HAL: variants seen among roughly 807,000 people sequenced by gnomAD.
HAL encodes the protein histidase.
HAL carries 85 observed loss-of-function variants against 81.1 expected under a neutral mutation model. That is an observed-to-expected ratio of 1.05 (90% CI 0.88 to 1.25). HAL has a LOEUF of 1.25. HAL is among the 50% of genes most tolerant of loss of function. The probability of loss-of-function intolerance (pLI) is 0.00; values close to 1 mark genes in which losing one functional copy is unlikely to be tolerated. For missense variants in HAL, 798 were observed against 836.6 expected (o/e 0.95, Z 0.57); for synonymous variants, 301 against 309.2 (o/e 0.97, Z 0.28).
Position 95,988,240 on chromosome 12 carries a change from C to T in HAL, c.856G>A (p.Val286Met). 1.4e-6 allele frequency: 2 copies of T among 1,471,616 alleles called. No individual in the cohort carries two copies. Among genetic ancestry groups the T allele is most frequent in the Non-Finnish European group, 9.5e-7 (1 of 1,050,726 alleles). 91.2% of individuals were successfully genotyped at this position (1,471,616 alleles called of 1,614,324 possible). A position where few individuals can be genotyped will look rare whatever the true frequency, so the allele number is the denominator to read the frequency against. Reference protein sequence around the residue: ...PKSGWADAKYVLEAHGLKPVI... With the variant: ...PKSGWADAKYMLEAHGLKPVI... ...GGTTTCAATCCATGGGCTTCTAGCA[C>T]CTATAGAATGATTAAAAATATGAAA... The change falls in exon 11 of 21, where the codon GTG (valine) becomes ATG (methionine). Residue 286 changes from valine to methionine, a missense_variant and splice_region_variant. Physicochemically the swap from Val to Met is conservative, Grantham distance 21 (BLOSUM62 1). Transcript: ENST00000261208.
chr12:95,978,778 A>T (rs963475551), intron 17 of HAL, among the ~76,000 whole-genome samples: 2 of 152,210 alleles, frequency 1.3e-5, no homozygotes, highest in African/African-American at 2.4e-5. Context: ...TAGGTTATGA[A>T]GTTCCCTCAC....
At chr12:95,992,878 C>A in intron 8 of HAL, 73 bp from the exon 9 acceptor site, 1 of 1,408,454 alleles carries the variant, frequency 7.1e-7, no homozygotes, top group Non-Finnish European at 1.0e-6. Flanking sequence ...GCCCTCCCTC[C>A]CTCCAATCTT....
chr12:95,974,103 G>A lies in HAL; in HGVS notation c.*129C>T. 1 of 859,514 alleles carries A rather than the reference G, an allele frequency of 1.2e-6. No individual in the cohort carries two copies. Among genetic ancestry groups the A allele is most frequent in the Non-Finnish European group, 2.0e-6 (1 of 497,658 alleles). The allele number at this position is 859,514 out of a possible 1,614,324, so 53.2% of individuals were successfully genotyped here. Reference sequence around the variant, plus strand: ...TACTGCCATCAGCCTAACCAACGTAGGCTTTAGAAGAACTGAATGATACAA... The same window carrying A: ...TACTGCCATCAGCCTAACCAACGTAAGCTTTAGAAGAACTGAATGATACAA... On this transcript the variant is annotated 3_prime_UTR_variant, in exon 21 of 21. Coordinates refer to ENST00000261208, the MANE Select transcript of HAL (RefSeq NM_002108.4).
Position 95,974,359 on chromosome 12 carries a change from G to A in HAL, c.1847C>T (p.Ala616Val), listed in dbSNP as rs1291013772. The A allele has an allele frequency of 6.2e-7, 1 of 1,613,518 alleles. No homozygotes were observed. Among genetic ancestry groups the A allele is most frequent in the Non-Finnish European group, 8.5e-7 (1 of 1,179,428 alleles). Reference sequence around the variant, plus strand: ...TCTGTATTTTTCAATGTATGGAGCAGCTACTTCCCAAACCTGAAAAGCAAG... The same window carrying A: ...TCTGTATTTTTCAATGTATGGAGCAACTACTTCCCAAACCTGAAAAGCAAG... ...LLLEQKVWEV[A>V]APYIEKYRME... Residue 616 changes from alanine to valine, a missense_variant, in exon 21 of 21, where the codon GCT (alanine) becomes GTT (valine). Ala to Val is a moderately conservative substitution (Grantham distance 64). Transcript: ENST00000261208.
chr12:95,990,928 G>A (rs1017475566), intron 9 of HAL, among the ~76,000 whole-genome samples: 4 of 152,104 alleles, frequency 2.6e-5, no homozygotes, highest in Non-Finnish European at 5.9e-5. Flanking sequence ...TGGGCAACAC[G>A]GTGAAACCCT....
chr12:95,979,803 G>T (rs2080769302), intron 17 of HAL, among the ~76,000 whole-genome samples: 1 of 152,130 alleles, frequency 6.6e-6, no homozygotes, highest in Admixed American at 6.6e-5. Context: ...AAAATTCAGG[G>T]TTTGAATTCT....
chr12:95,976,765 TG>T (rs2080725731), intron 18 of HAL, 59 bp from the exon 19 acceptor site: 2 of 1,114,874 alleles, frequency 1.8e-6, no homozygotes, highest in Non-Finnish European at 1.4e-6. Flanking sequence ...GCTTAAGGAA[TG>T]TGGATTTCCC....
At chr12:95,982,818 A>G (rs2080809609) in intron 15 of HAL, among the ~76,000 whole-genome samples, 1 of 152,198 alleles carries the variant, frequency 6.6e-6, no homozygotes, top group Non-Finnish European at 1.5e-5. Flanking sequence ...ACTGAGGCAG[A>G]TGTGGAATAG....
At chr12:95,992,658 G>A (rs376745847) in intron 9 of HAL, 22 bp downstream of exon 9, 49 of 1,604,260 alleles carry the variant, frequency 3.1e-5, no homozygotes, top group South Asian at 1.5e-4. Context: ...CAGAGGTTCC[G>A]TCTAGGGAGC....
In HAL at chr12:95,972,886, C is replaced by G. The variant is rs943911114; in HGVS notation, c.*1346G>C. Reference sequence around the variant, plus strand: ...ATGGCAGCCCACGGATGACAATGCACAAACCTCATTTGTGTGTGTTCACAT... The same window carrying G: ...ATGGCAGCCCACGGATGACAATGCAGAAACCTCATTTGTGTGTGTTCACAT... On this transcript the variant is annotated 3_prime_UTR_variant, in exon 21 of 21. Transcript: ENST00000261208. The G allele has an allele frequency of 3.9e-5, 6 of 152,208 alleles. No homozygotes were observed. 9.4% of individuals were successfully genotyped at this position (152,208 alleles called of 1,614,324 possible). A position where few individuals can be genotyped will look rare whatever the true frequency, so the allele number is the denominator to read the frequency against.
rs1340631940 is a variant in HAL, at chr12:95,994,093, T to C, written c.408A>G (p.Ile136Met). The change falls in exon 5 of 21, where the codon ATA becomes ATG. Residue 136 changes from isoleucine (I) to methionine (M), a missense_variant. Ile to Met is a conservative substitution (Grantham distance 10). Transcript: ENST00000261208. ...LVNLGKGRYK[I>M]KLTPTAEKRV... ...TCTTTCCCCTCCCTCCCCATACCTT[T>C]ATTTTGTAGCGTCCCTTTCCCAAGT... is the stretch of plus-strand genomic sequence containing the variant. 2 of 1,612,804 alleles carry C rather than the reference T, an allele frequency of 1.2e-6. No homozygotes were observed. Among genetic ancestry groups the C allele is most frequent in the Admixed American group, 3.3e-5 (2 of 60,004 alleles).
chr12:95,987,313 C>T (rs1949903666), intron 11 of HAL, 99 bp from the exon 12 acceptor site: 4 of 970,436 alleles, frequency 4.1e-6, no homozygotes, highest in Non-Finnish European at 6.7e-6. Context: ...GAAAAATTAG[C>T]CAGTCATAAA....
Position 95,995,759 on chromosome 12 carries a change from G to A in HAL, c.152C>T (p.Ala51Val). Residue 51 changes from alanine to valine, a missense_variant, in exon 2 of 21, where the codon GCG becomes GTG. Coordinates refer to ENST00000261208, the MANE Select transcript of HAL (RefSeq NM_002108.4). Reference sequence around the variant, plus strand: ...CTTGCACCGGCGCACAAGGAAGTGCGCGTCATCCACGGAGGTGAAGCCACC... The same window carrying A: ...CTTGCACCGGCGCACAAGGAAGTGCACGTCATCCACGGAGGTGAAGCCACC... The part of the protein sequence containing the change: ...DNGGFTSVDD[A>V]HFLVRRCKGL... The A allele has an allele frequency of 6.2e-7, 1 of 1,613,728 alleles. No individual in the cohort carries two copies. The highest frequency in any genetic ancestry group is 8.5e-7 in the Non-Finnish European group (1 of 1,180,026).
At chr12:95,986,197 C>G (rs755558671) in intron 12 of HAL, 37 bp from the exon 13 acceptor site, 1 of 1,216,920 alleles carries the variant, frequency 8.2e-7, no homozygotes, top group Non-Finnish European at 1.2e-6. Context: ...TGAATAATTC[C>G]ATTTATTTAT....
intron 15 of HAL, among the ~76,000 whole-genome samples, chr12:95,982,064 G>A (rs2080801330): frequency 6.6e-6 from 1 of 152,174 alleles, no homozygotes; most frequent in Non-Finnish European, 1.5e-5. Context: ...AATCCCTATA[G>A]CAATGGAATT....
chr12:95,990,188 C>G (rs1949951188), intron 10 of HAL: 1 of 631,040 alleles, frequency 1.6e-6, no homozygotes, highest in East Asian at 2.8e-5. Context: ...ATGACCAAAC[C>G]CAGAAGGCTG....
At chr12:95,984,074 T>C in intron 14 of HAL, 83 bp from the exon 15 acceptor site, 1 of 745,162 alleles carries the variant, frequency 1.3e-6, no homozygotes, top group Non-Finnish European at 2.4e-6. Context: ...TAGAAGATCT[T>C]ATCTTAAAGT....
At position 95,975,210 on chromosome 12, in the gene HAL, G is replaced by A. The variant is rs193217868; in HGVS notation, c.1834-838C>T. On this transcript the variant is annotated intron_variant, in intron 20 of 20. Coordinates refer to ENST00000261208, the MANE Select transcript of HAL (RefSeq NM_002108.4). ...TCACCTGGGACAAGTCAGAATCTTG[G>A]CCTTCACCCAGACCTACTGAATCCA... 3.5e-4 allele frequency among the ~76,000 whole-genome samples: 53 copies of A among 152,338 alleles called. 1 individual carries two copies. Among genetic ancestry groups the A allele is most frequent in the African/African-American group, 1.2e-3 (49 of 41,572 alleles).
chr12:95,981,501 C>T (rs1232656221), intron 15 of HAL, among the ~76,000 whole-genome samples: 1 of 152,176 alleles, frequency 6.6e-6, no homozygotes, highest in Non-Finnish European at 1.5e-5. Flanking sequence ...TTCTGTCACC[C>T]AGGCTGGAGT....
Sources: allele counts gnomAD v4.1 joint callset (sites outside exome capture counted in the v4.1 genomes callset), GRCh38; gene constraint gnomAD v4.1.1; transcripts MANE v1.5; gene names NCBI Gene and HGNC (gene_info 2026-07-23, HGNC 2026-07-21).